EIF2S3: variants seen among roughly 807,000 people sequenced by gnomAD.
EIF2S3 encodes the protein eukaryotic translation initiation factor 2 subunit 3.
A neutral mutation model predicts 31.7 loss-of-function variants in EIF2S3; 2 were observed. That is an observed-to-expected ratio of 0.06 (90% CI 0.03 to 0.20). The LOEUF (loss-of-function observed/expected upper bound fraction) is 0.20. Ranked by LOEUF, EIF2S3 falls within the 10% of genes least tolerant of loss-of-function variation. The probability of loss-of-function intolerance (pLI) is 1.00; values close to 1 mark genes in which losing one functional copy is unlikely to be tolerated. For synonymous variants in EIF2S3, 120 were observed against 126.7 expected (o/e 0.95, Z 0.36); for missense variants, 96 against 359.3 (o/e 0.27, Z 5.92).
At position 24,076,924 on chromosome X, in the gene EIF2S3, CTCTTTT is replaced by C. The variant is rs1930761527; in HGVS notation, c.*141_*146del. 5.7e-4 allele frequency: 67 copies of C among 117,220 alleles called. No homozygotes were observed. Among genetic ancestry groups the C allele is most frequent in the Middle Eastern group, 2.3e-3 (1 of 428 alleles). 9.7% of individuals were successfully genotyped at this position (117,220 alleles called of 1,213,427 possible). On this transcript the variant is annotated 3_prime_UTR_variant, in exon 12 of 12. Transcript: ENST00000253039. ...CTTAGTAGGTAACGGTAAGGTTATT[CTCTTTT>C]TTTTTTTTTTTTTTTTTGGTTATGA...
At chrX:24,065,683 T>C (rs1327597682) in intron 7 of EIF2S3, among the ~76,000 whole-genome samples, 1 of 112,191 alleles carries the variant, frequency 8.9e-6, no homozygotes, top group Non-Finnish European at 1.9e-5. Context: ...GTGTAATTTT[T>C]ATAACTTTTC....
chrX:24,061,164 C>T (rs887239805), intron 5 of EIF2S3, among the ~76,000 whole-genome samples: 1 of 97,392 alleles, frequency 1.0e-5, no homozygotes, highest in African/African-American at 3.9e-5. Flanking sequence ...GGCTGAGGCA[C>T]GAGAATCGCT....
In EIF2S3 at chrX:24,077,890, A is replaced by G. The variant is rs1213156622; in HGVS notation, c.*1105A>G. 5 of 112,068 alleles carry G rather than the reference A, an allele frequency of 4.5e-5. No homozygotes were observed. The highest frequency in any genetic ancestry group is 5.6e-5 in the Non-Finnish European group (3 of 53,282). 9.2% of individuals were successfully genotyped at this position (112,068 alleles called of 1,213,427 possible). ...TTTTATGTTTTTTCTTAACTGTTAT[A>G]TTATGATTGTGACATAGATTATACT... On this transcript the variant is annotated 3_prime_UTR_variant, in exon 12 of 12. Transcript: ENST00000253039.
intron 5 of EIF2S3, 61 bp from the exon 6 acceptor site, chrX:24,062,355 C>T (rs761737360): frequency 5.5e-5 from 62 of 1,127,254 alleles, no homozygotes; most frequent in South Asian, 2.8e-4. Flanking sequence ...TGGATTTGCC[C>T]GCCTATTCTG....
intron 9 of EIF2S3, among the ~76,000 whole-genome samples, chrX:24,071,311 C>T (rs1461156329): frequency 9.2e-6 from 1 of 108,724 alleles, no homozygotes; most frequent in Non-Finnish European, 1.9e-5. Flanking sequence ...CTGCCTCAGC[C>T]TCCCAAGTAG....
intron 6 of EIF2S3, among the ~76,000 whole-genome samples, chrX:24,063,621 A>G (rs1930526341): frequency 9.0e-6 from 1 of 110,943 alleles, no homozygotes; most frequent in African/African-American, 3.3e-5. Context: ...CAATACAAAA[A>G]ATTAGCTGGG....
Position 24,077,437 on chromosome X carries a change from C to G in EIF2S3, c.*652C>G, listed in dbSNP as rs1275986323. ...TGTAGCACACACATATATCACTGAA[C>G]CTGTTTGAAATAAAGTTTTTTTTCT... On this transcript the variant is annotated 3_prime_UTR_variant, in exon 12 of 12. Coordinates refer to ENST00000253039, the MANE Select transcript of EIF2S3 (RefSeq NM_001415.4). The G allele has an allele frequency of 8.9e-6, 1 of 112,079 alleles. No individual in the cohort carries two copies. The highest frequency in any genetic ancestry group is 9.5e-5 in the Admixed American group (1 of 10,472). 9.2% of individuals were successfully genotyped at this position (112,079 alleles called of 1,213,427 possible).
At chrX:24,055,071 C>T (rs760681992) in intron 1 of EIF2S3, 34 bp downstream of exon 1, 1 of 1,198,668 alleles carries the variant, frequency 8.3e-7, no homozygotes, top group Non-Finnish European at 1.1e-6. Context: ...GCAGAGTGAG[C>T]TCAGGAGTGG....
At chrX:24,062,806 A>G (rs1309962177) in intron 6 of EIF2S3, among the ~76,000 whole-genome samples, 1 of 111,009 alleles carries the variant, frequency 9.0e-6, no homozygotes, top group Non-Finnish European at 1.9e-5. Context: ...GTTAGAACTG[A>G]GGTTGTTTTC....
chrX:24,058,587 C>T (rs1930443345), intron 4 of EIF2S3, among the ~76,000 whole-genome samples: 1 of 95,102 alleles, frequency 1.1e-5, no homozygotes, highest in Non-Finnish European at 2.0e-5. Flanking sequence ...GGTTGGAGTG[C>T]AGTGGTGCGA....
chrX:24,062,570 C>T lies in EIF2S3; in HGVS notation c.633C>T (p.Val211=). The change falls in exon 6 of 12, where the codon GTC becomes GTT. Residue 211 remains valine (V), a synonymous_variant. Coordinates refer to ENST00000253039, the MANE Select transcript of EIF2S3 (RefSeq NM_001415.4). The part of the protein sequence containing the change: ...KEQYEQILAF[V]QGTVAEGAPI... Reference sequence around the variant, plus strand: ...AATACGAGCAGATCCTTGCATTTGTCCAAGGTAAGAAGCCATAATATGAAA... The same window carrying T: ...AATACGAGCAGATCCTTGCATTTGTTCAAGGTAAGAAGCCATAATATGAAA... 8.3e-7 allele frequency: 1 copy of T among 1,208,385 alleles called. No individual in the cohort carries two copies. The highest frequency in any genetic ancestry group is 1.1e-6 in the Non-Finnish European group (1 of 894,432).
chrX:24,070,813 ATT>A (rs1930658684), intron 9 of EIF2S3, among the ~76,000 whole-genome samples: 1 of 111,439 alleles, frequency 9.0e-6, no homozygotes, highest in Non-Finnish European at 1.9e-5. Context: ...CAAACTACTC[ATT>A]TTGAATTTTG....
chrX:24,066,808 C>T (rs1307177156), intron 8 of EIF2S3, among the ~76,000 whole-genome samples: 2 of 112,326 alleles, frequency 1.8e-5, no homozygotes. Context: ...GCCACTTTGC[C>T]CGGCCTATAT....
chrX:24,071,456 C>T, intron 9 of EIF2S3, 102 bp from the exon 10 acceptor site: 1 of 905,968 alleles, frequency 1.1e-6, no homozygotes, highest in South Asian at 2.6e-5. Context: ...TCCCAAAGTG[C>T]TGGGATTACA....
intron 11 of EIF2S3, among the ~76,000 whole-genome samples, chrX:24,075,327 A>G (rs1235261018): frequency 2.7e-5 from 3 of 110,483 alleles, no homozygotes; most frequent in Admixed American, 9.8e-5. Context: ...TGTTGCTTCT[A>G]GGTCTTTTGA....
At chrX:24,061,415 C>T (rs773597703) in intron 5 of EIF2S3, among the ~76,000 whole-genome samples, 11 of 108,392 alleles carry the variant, frequency 1.0e-4, no homozygotes, top group African/African-American at 3.4e-4. Flanking sequence ...GAAAATTAGC[C>T]GGGTGTGGTG....
chrX:24,058,539 T>TTC (rs1555983206), intron 4 of EIF2S3, among the ~76,000 whole-genome samples: 1 of 55,861 alleles, frequency 1.8e-5, no homozygotes, highest in Non-Finnish European at 3.0e-5. Flanking sequence ...TTTCTTTCTT[T>TTC]TTTTTTTTTT....
intron 9 of EIF2S3, among the ~76,000 whole-genome samples, chrX:24,069,686 CTTTTTTTTTTTT>C (rs754589833): frequency 1.6e-5 from 1 of 60,986 alleles, no homozygotes; most frequent in Non-Finnish European, 2.8e-5. Context: ...TTTTTAATTT[CTTTTTTTTTTTT>C]TTTTTTTTTT....
intron 5 of EIF2S3, 100 bp downstream of exon 5, chrX:24,060,282 C>A: frequency 2.8e-6 from 2 of 702,151 alleles, no homozygotes; most frequent in Non-Finnish European, 2.2e-6. Context: ...TATCTATTAC[C>A]TAAGGGTGAC....
Sources: gnomAD v4.1 joint callset for allele counts (sites outside exome capture counted in the v4.1 genomes callset) on GRCh38, gnomAD v4.1.1 for gene constraint, MANE v1.5 for transcripts, NCBI Gene and HGNC (gene_info 2026-07-23, HGNC 2026-07-21) for gene names.